ZFHX3: variants seen among roughly 807,000 people sequenced by gnomAD.
ZFHX3 encodes the protein zinc finger homeobox protein 3.
In ZFHX3, 42 loss-of-function variants were observed where a neutral mutation model predicts 279.1. The observed-to-expected ratio is 0.15, with a 90% CI of 0.12 to 0.19. The LOEUF (loss-of-function observed/expected upper bound fraction) is 0.19. Among genes scored for constraint, ZFHX3 ranks in the 10% least tolerant of loss-of-function variants. The probability of loss-of-function intolerance (pLI) is 1.00; values close to 1 mark genes in which losing one functional copy is unlikely to be tolerated. For synonymous variants in ZFHX3, 2,293 were observed against 1,957.8 expected (o/e 1.17, Z -4.52); for missense variants, 4,981 against 4,754.0 (o/e 1.05, Z -1.40).
At chr16:73,556,634 A>G (rs917428061) in intron 2 of ZFHX3, among the ~76,000 whole-genome samples, 3 of 152,020 alleles carry the variant, frequency 2.0e-5, no homozygotes, top group African/African-American at 7.2e-5. Flanking sequence ...AGGAAAGAGG[A>G]TAAAAAGGAT....
chr16:72,788,476 G>A lies in ZFHX3; in HGVS notation c.9800C>T (p.Ala3267Val). 6.2e-7 allele frequency: 1 copy of A among 1,614,216 alleles called. No homozygotes were observed. Among genetic ancestry groups the A allele is most frequent in the Non-Finnish European group, 8.5e-7 (1 of 1,180,034 alleles). ...PKKEKGEAPTATAATISAPLP... is the reference protein window; with the variant it reads ...PKKEKGEAPTVTAATISAPLP... ...CGGGGCTGAGATCGTGGCTGCAGTT[G>A]CCGTGGGGGCCTCTCCTTTCTCCTT... is the stretch of plus-strand genomic sequence containing the variant. Residue 3267 changes from alanine to valine, a missense_variant, in exon 10 of 10, where the codon GCA becomes GTA. Physicochemically the swap from Ala to Val is moderately conservative, Grantham distance 64. Around this residue, in one of 7 missense-constraint regions of ZFHX3, gnomAD observed 1,034 missense variants for 786.0 expected, o/e 1.32. Transcript: ENST00000268489.
In ZFHX3 at chr16:72,959,571, G is replaced by A. The variant is rs1961457290; in HGVS notation, c.575C>T (p.Pro192Leu). The A allele has an allele frequency of 5.6e-6, 9 of 1,614,194 alleles. No individual in the cohort carries two copies. Among genetic ancestry groups the A allele is most frequent in the South Asian group, 1.1e-5 (1 of 91,086 alleles). Residue 192 changes from proline (P) to leucine (L), a missense_variant, in exon 2 of 10, where the codon CCG (proline) becomes CTG (leucine). Transcript: ENST00000268489. ...GDPSCAAPVY[P>L]QIINTFHIAS... ...TATGTGGAAAGTGTTGATGATCTGC[G>A]GGTACACGGGTGCAGCACACGAAGG...
chr16:73,744,372 G>T (rs572007443), intron 1 of ZFHX3, among the ~76,000 whole-genome samples: 1 of 152,142 alleles, frequency 6.6e-6, no homozygotes, highest in Non-Finnish European at 1.5e-5. Flanking sequence ...GAGTTTACTC[G>T]GGGCTTCAGA....
intron 2 of ZFHX3, among the ~76,000 whole-genome samples, chr16:73,659,002 G>A (rs2052751510): frequency 6.6e-6 from 1 of 152,106 alleles, no homozygotes; most frequent in African/African-American, 2.4e-5. Context: ...AAGAGAAACG[G>A]AAAAATTAAG....
At chr16:72,924,347 T>G (rs759793147) in intron 3 of ZFHX3, among the ~76,000 whole-genome samples, 1 of 152,188 alleles carries the variant, frequency 6.6e-6, no homozygotes, top group Non-Finnish European at 1.5e-5. Flanking sequence ...AGCCTCTGAT[T>G]TCCTACAAGG....
At position 73,566,294 on chromosome 16, in the gene ZFHX3, C is replaced by A. The variant is rs574259139; in HGVS notation, c.-1546-110036G>T. On this transcript the variant is annotated intron_variant, in intron 2 of 17. Transcript: ENST00000641206. Reference sequence around the variant, plus strand: ...ATGATCTCCTCATAGACCTAAAATACCCACAATGGGTGGTACATTTCTGGC... The same window carrying A: ...ATGATCTCCTCATAGACCTAAAATAACCACAATGGGTGGTACATTTCTGGC... Among the ~76,000 whole-genome samples, 145 of 152,310 alleles carry A rather than the reference C, an allele frequency of 9.5e-4. 6 individuals are homozygous for A. The South Asian group carries it at 0.028, about 30-fold the overall frequency.
At chr16:72,866,501 T>G (rs1056816644) in intron 4 of ZFHX3, among the ~76,000 whole-genome samples, 5 of 152,154 alleles carry the variant, frequency 3.3e-5, no homozygotes, top group Non-Finnish European at 7.4e-5. Context: ...TTAGATTACC[T>G]GAAAAGGTAA....
At chr16:73,592,588 A>G (rs1353685302) in intron 2 of ZFHX3, among the ~76,000 whole-genome samples, 3 of 152,214 alleles carry the variant, frequency 2.0e-5, no homozygotes, top group African/African-American at 7.2e-5. Flanking sequence ...TACCCTGAAA[A>G]TAATCCTGAG....
chr16:73,763,656 A>G (rs2053896137), intron 1 of ZFHX3, among the ~76,000 whole-genome samples: 1 of 152,052 alleles, frequency 6.6e-6, no homozygotes, highest in Non-Finnish European at 1.5e-5. Context: ...TGGGTGTGGA[A>G]CCTGTTACTT....
Position 72,960,211 on chromosome 16 carries a change from A to AG in ZFHX3, c.-49-18dup, listed in dbSNP as rs1488607678. The AG allele has an allele frequency of 4.1e-6, 6 of 1,475,390 alleles. No individual in the cohort carries two copies. In the African/African-American group the frequency reaches 7.0e-5, roughly 17 times the overall value. The allele number at this position is 1,475,390 out of a possible 1,614,324, so 91.4% of individuals were successfully genotyped here. On this transcript the variant is annotated splice_polypyrimidine_tract_variant and intron_variant, in intron 1 of 9. Transcript: ENST00000268489. ...GGCTCGGACCTGAAGGGCAGAGGCA[A>AG]GGGGGGAGGAGGGAGAGAGGGGAAA...
At chr16:73,805,777 C>T (rs1960260577) in intron 1 of ZFHX3, among the ~76,000 whole-genome samples, 3 of 152,146 alleles carry the variant, frequency 2.0e-5, no homozygotes, top group African/African-American at 7.2e-5. Flanking sequence ...TAATATAATG[C>T]TGGGTGGCAT....
intron 1 of ZFHX3, among the ~76,000 whole-genome samples, chr16:73,882,762 T>C (rs1448815106): frequency 6.6e-6 from 1 of 152,090 alleles, no homozygotes; most frequent in Non-Finnish European, 1.5e-5. Context: ...TTTTTAAGCT[T>C]CTTGGGTGCC....
chr16:72,904,907 C>G (rs973941904), intron 3 of ZFHX3, among the ~76,000 whole-genome samples: 3 of 152,292 alleles, frequency 2.0e-5, no homozygotes, highest in Admixed American at 2.0e-4. Flanking sequence ...TCTTGGCTCA[C>G]TGCAACCTCC....
At chr16:73,542,613 A>G (rs139061089) in intron 2 of ZFHX3, among the ~76,000 whole-genome samples, 3 of 152,314 alleles carry the variant, frequency 2.0e-5, no homozygotes, top group Admixed American at 6.5e-5. Flanking sequence ...TCTTCATTTG[A>G]TATAGCAGGA....
chr16:72,860,233 C>A (rs900466926), intron 4 of ZFHX3, among the ~76,000 whole-genome samples: 1 of 152,124 alleles, frequency 6.6e-6, no homozygotes, highest in Admixed American at 6.5e-5. Flanking sequence ...CCCTGCAGAG[C>A]TGGTTCTGGG....
intron 1 of ZFHX3, among the ~76,000 whole-genome samples, chr16:73,689,934 C>G (rs2053132056): frequency 6.6e-6 from 1 of 151,996 alleles, no homozygotes; most frequent in African/African-American, 2.4e-5. Context: ...ACTCTCTTGC[C>G]TCAGCCTCCT....
Position 73,647,401 on chromosome 16 carries a change from C to G in ZFHX3, c.-1547+32779G>C, listed in dbSNP as rs547768432. Among the ~76,000 whole-genome samples, 167 of 152,266 alleles carry G rather than the reference C, an allele frequency of 1.1e-3. 1 individual carries two copies. Among genetic ancestry groups the G allele is most frequent in the Non-Finnish European group, 2.4e-4 (16 of 68,026 alleles). ...GGCTGGATCACGGGGGCAGATTCTC[C>G]TTTGCTGTTCTCGTGATAGTGAGTT... is the stretch of plus-strand genomic sequence containing the variant. On this transcript the variant is annotated intron_variant, in intron 2 of 17. Coordinates refer to the ZFHX3 transcript ENST00000641206.
At chr16:73,685,859 G>A (rs1289699406) in intron 1 of ZFHX3, among the ~76,000 whole-genome samples, 1 of 152,174 alleles carries the variant, frequency 6.6e-6, no homozygotes, top group African/African-American at 2.4e-5. Context: ...GATCCAGATA[G>A]GCTGTTCTCT....
chr16:73,287,060 G>A (rs1328552072), intron 4 of ZFHX3, among the ~76,000 whole-genome samples: 2 of 149,992 alleles, frequency 1.3e-5, no homozygotes, highest in African/African-American at 2.5e-5. Context: ...GTGGCTGTAC[G>A]GGCCAGTGTG....
Sources: gnomAD v4.1 joint callset for allele counts (sites outside exome capture counted in the v4.1 genomes callset) on GRCh38, gnomAD v4.1.1 for gene constraint, gnomAD v4.1.1 regional missense constraint, MANE v1.5 for transcripts, NCBI Gene and HGNC (gene_info 2026-07-23, HGNC 2026-07-21) for gene names.